SORCS1: variants seen among roughly 807,000 people sequenced by gnomAD.
SORCS1 encodes VPS10 domain-containing receptor SorCS1.
Under a neutral mutation model 146.1 loss-of-function variants are expected in SORCS1, and 60 were observed. The observed-to-expected ratio is 0.41, with a 90% CI of 0.33 to 0.51. The LOEUF (loss-of-function observed/expected upper bound fraction) is 0.51, where lower values mean the gene tolerates loss of function less well. SORCS1 is among the 20% of genes least tolerant of loss of function. The probability of loss-of-function intolerance (pLI) is 0.21; values close to 1 mark genes in which losing one functional copy is unlikely to be tolerated. For synonymous variants in SORCS1, 637 were observed against 584.0 expected, an observed-to-expected ratio of 1.09 and a Z score of -1.31; for missense variants, 1,352 against 1,487.6, an observed-to-expected ratio of 0.91 and a Z score of 1.50.
intron 4 of SORCS1, among the ~76,000 whole-genome samples, chr10:106,765,061 A>G (rs1431451912): frequency 6.8e-6 from 1 of 147,250 alleles, no homozygotes; most frequent in Non-Finnish European, 1.5e-5. Context: ...CTTGGGTTTG[A>G]TTTTGTTTAG....
intron 2 of SORCS1, among the ~76,000 whole-genome samples, chr10:106,929,478 C>T (rs1323009754): frequency 6.6e-6 from 1 of 152,092 alleles, no homozygotes; most frequent in African/African-American, 2.4e-5. Context: ...CTAACATGGC[C>T]TTTTATAAAA....
rs868814714 is a variant in SORCS1, at chr10:107,160,615, T to C, written c.558+3354A>G. On this transcript the variant is annotated intron_variant, in intron 1 of 25. Coordinates refer to ENST00000263054, the MANE Select transcript of SORCS1 (RefSeq NM_052918.5). ...CATTAAAGATGTCATCATGGAAAAATAGAAGTCAAGTAAAACCCTCTGTTA... is the reference window on the plus strand; with the variant it reads ...CATTAAAGATGTCATCATGGAAAAACAGAAGTCAAGTAAAACCCTCTGTTA... Among the ~76,000 whole-genome samples the C allele has an allele frequency of 6.1e-4, 93 of 152,164 alleles. No individual in the cohort carries two copies. In the Middle Eastern group the frequency reaches 0.01, roughly 17 times the overall value.
chr10:106,733,107 C>A lies in SORCS1; in HGVS notation c.960-2993G>T, dbSNP rs1351939484. On this transcript the variant is annotated intron_variant, in intron 5 of 25. Transcript: ENST00000263054. ...TGGGCGACAAAGTGATACTCCATTT[C>A]AAAAAAAAGAAAAGAAAAGAAAAGA... Among the ~76,000 whole-genome samples the A allele has an allele frequency of 1.6e-4, 18 of 111,216 alleles. 1 individual carries two copies. The highest frequency in any genetic ancestry group is 3.0e-4 in the South Asian group (1 of 3,328). The allele number at this position is 111,216 out of a possible 152,430, so 73.0% of individuals were successfully genotyped here. A position where few individuals can be genotyped will look rare whatever the true frequency, so the allele number is the denominator to read the frequency against.
chr10:107,167,409 G>T (rs1970077841), upstream of SORCS1, among the ~76,000 whole-genome samples: 2 of 152,158 alleles, frequency 1.3e-5, no homozygotes, highest in Non-Finnish European at 2.9e-5. Context: ...GAAAGTAATT[G>T]ATATCAAAGG....
intron 3 of SORCS1, among the ~76,000 whole-genome samples, chr10:106,792,271 G>A (rs1946353695): frequency 6.6e-6 from 1 of 152,194 alleles, no homozygotes; most frequent in African/African-American, 2.4e-5. Context: ...AGGAGCTGTA[G>A]AAAAACATTA....
At chr10:106,586,895 G>T (rs1301559281) in intron 24 of SORCS1, among the ~76,000 whole-genome samples, 1 of 152,314 alleles carries the variant, frequency 6.6e-6, no homozygotes, top group East Asian at 1.9e-4. Context: ...GTTCAAGGCT[G>T]TAGTGAGCTA....
In SORCS1 at chr10:107,163,958, A is replaced by T; in HGVS notation, c.558+11T>A. 1 of 1,609,090 alleles carries T rather than the reference A, an allele frequency of 6.2e-7. No homozygotes were observed. The highest frequency in any genetic ancestry group is 8.5e-7 in the Non-Finnish European group (1 of 1,176,696). On this transcript the variant is annotated intron_variant, in intron 1 of 25. Coordinates refer to ENST00000263054, the MANE Select transcript of SORCS1 (RefSeq NM_052918.5). The stretch of plus-strand genomic sequence containing the variant: ...TTTCCACCCCTTTACCCTCAGTCCC[A>T]TTCTACTCACGCTGCTGTTGTGGCC...
rs144597273 is a variant in SORCS1, at chr10:106,618,158, C to T, written c.2911G>A (p.Ala971Thr). The change falls in exon 21 of 26, where the codon GCA (alanine) becomes ACA (threonine). Residue 971 changes from alanine to threonine, a missense_variant. Physicochemically the swap from Ala to Thr is moderately conservative, Grantham distance 58. Coordinates refer to ENST00000263054, the MANE Select transcript of SORCS1 (RefSeq NM_052918.5). ...TGAGATGGGCACTCACCATATACTG[C>T]GATGGTCTTTGTGTCTTGTAGGATG... ...NAILQDTKTI[A>T]VYEEFRSLRL... The T allele has an allele frequency of 3.7e-6, 6 of 1,613,934 alleles. No homozygotes were observed. Among genetic ancestry groups the T allele is most frequent in the South Asian group, 2.2e-5 (2 of 91,090 alleles).
intron 2 of SORCS1, among the ~76,000 whole-genome samples, chr10:106,906,057 G>T (rs757259683): frequency 2.0e-5 from 3 of 152,090 alleles, no homozygotes; most frequent in Admixed American, 6.5e-5. Flanking sequence ...GTATTAGTCC[G>T]TTTTCATGCT....
chr10:106,638,293 TA>T (rs2133649001), intron 18 of SORCS1, among the ~76,000 whole-genome samples: 1 of 152,280 alleles, frequency 6.6e-6, no homozygotes, highest in South Asian at 2.1e-4. Flanking sequence ...ATATATACTT[TA>T]AAAATGGTAG....
Position 106,579,451 on chromosome 10 carries a change from T to C in SORCS1, c.3289A>G (p.Thr1097Ala), listed in dbSNP as rs187136160. 3.1e-4 allele frequency: 501 copies of C among 1,611,916 alleles called. No homozygotes were observed. Among genetic ancestry groups the C allele is most frequent in the Non-Finnish European group, 4.0e-4 (476 of 1,179,284 alleles). Residue 1097 changes from threonine to alanine, a missense_variant, in exon 25 of 26, where the codon ACC (threonine) becomes GCC (alanine). Physicochemically the swap from Thr to Ala is moderately conservative, Grantham distance 58. Transcript: ENST00000263054. ...TAAPLVDLTP[T>A]HSGSAMLMLL... Reference sequence around the variant, plus strand: ...ATCAGCATGGCAGATCCACTGTGGGTTGGAGTGAGGTCCACCAGGGGGGCT... The same window carrying C: ...ATCAGCATGGCAGATCCACTGTGGGCTGGAGTGAGGTCCACCAGGGGGGCT...
At chr10:106,592,975 CA>C in intron 24 of SORCS1, among the ~76,000 whole-genome samples, 1 of 151,730 alleles carries the variant, frequency 6.6e-6, no homozygotes, top group Admixed American at 6.6e-5. Flanking sequence ...CTGTCTCTAC[CA>C]AAAACACAAA....
intron 24 of SORCS1, among the ~76,000 whole-genome samples, chr10:106,581,047 CA>C (rs1844873985): frequency 6.6e-6 from 1 of 152,118 alleles, no homozygotes; most frequent in Non-Finnish European, 1.5e-5. Context: ...TCTTTTGGTT[CA>C]AAATTAGAAA....
chr10:107,029,722 G>A (rs1459209055), intron 1 of SORCS1, among the ~76,000 whole-genome samples: 1 of 152,170 alleles, frequency 6.6e-6, no homozygotes, highest in Non-Finnish European at 1.5e-5. Flanking sequence ...GAATGGGGAA[G>A]AGACACAAAC....
chr10:106,965,201 C>T (rs941981095), intron 1 of SORCS1, among the ~76,000 whole-genome samples: 7 of 151,998 alleles, frequency 4.6e-5, no homozygotes, highest in African/African-American at 1.7e-4. Context: ...TGTGGCTATA[C>T]TCAGCAGAGT....
At chr10:106,887,545 C>G (rs1951047964) in intron 2 of SORCS1, among the ~76,000 whole-genome samples, 1 of 151,932 alleles carries the variant, frequency 6.6e-6, no homozygotes, top group Non-Finnish European at 1.5e-5. Flanking sequence ...CCACTCTACT[C>G]CAGCCTACAC....
intron 2 of SORCS1, among the ~76,000 whole-genome samples, chr10:106,911,669 A>G (rs74152277): frequency 0.024 from 3,714 of 152,204 alleles, 140 homozygotes; most frequent in African/African-American, 0.084. Flanking sequence ...GGCTTTGCAG[A>G]GTACTTACAC....
At chr10:107,008,029 T>TA (rs1216891663) in intron 1 of SORCS1, among the ~76,000 whole-genome samples, 7 of 147,898 alleles carry the variant, frequency 4.7e-5, no homozygotes, top group Non-Finnish European at 8.8e-5. Context: ...TATTGTAGGT[T>TA]AATTATTCAC....
At chr10:107,071,201 GA>G (rs35061943) in intron 1 of SORCS1, among the ~76,000 whole-genome samples, 1 of 150,754 alleles carries the variant, frequency 6.6e-6, no homozygotes, top group Non-Finnish European at 1.5e-5. Context: ...CTTTACGGCA[GA>G]AAAAAAAATG....
Sources: allele counts gnomAD v4.1 joint callset (sites outside exome capture counted in the v4.1 genomes callset), GRCh38; gene constraint gnomAD v4.1.1; transcripts MANE v1.5; gene names NCBI Gene and HGNC (gene_info 2026-07-23, HGNC 2026-07-21).